STXBP5L: variants seen among roughly 807,000 people sequenced by gnomAD.
STXBP5L encodes syntaxin-binding protein 5-like.
Under a neutral mutation model 144.5 loss-of-function variants are expected in STXBP5L, and 65 were observed. The ratio of observed to expected loss-of-function variants is 0.45; its 90% confidence interval spans 0.37 to 0.55. The LOEUF (loss-of-function observed/expected upper bound fraction) is 0.55. STXBP5L is among the 20% of genes least tolerant of loss of function. The pLI, the probability that STXBP5L is intolerant of heterozygous loss-of-function variation, is 0.00. For synonymous variants in STXBP5L, 505 were observed against 469.6 expected, an observed-to-expected ratio of 1.08 and a Z score of -0.97; for missense variants, 1,298 against 1,405.5, an observed-to-expected ratio of 0.92 and a Z score of 1.22.
At chr3:121,200,710 C>T (rs145629359) in intron 9 of STXBP5L, among the ~76,000 whole-genome samples, 5,404 of 152,168 alleles carry the variant, frequency 0.036, 146 homozygotes, top group Middle Eastern at 0.082. Context: ...TTTCAAATAG[C>T]TTATTTATTT....
chr3:121,332,039 G>A (rs1256079549), intron 20 of STXBP5L, among the ~76,000 whole-genome samples: 4 of 147,302 alleles, frequency 2.7e-5, no homozygotes, highest in Admixed American at 2.7e-4. Context: ...TACAAAAACT[G>A]TAATCATTAA....
intron 18 of STXBP5L, among the ~76,000 whole-genome samples, chr3:121,264,175 G>T (rs1362626464): frequency 6.6e-6 from 1 of 152,130 alleles, no homozygotes; most frequent in East Asian, 1.9e-4. Flanking sequence ...TTAAAGAAAA[G>T]AATTTTCAAC....
chr3:120,979,000 G>T (rs900577229), intron 3 of STXBP5L, among the ~76,000 whole-genome samples: 3 of 152,170 alleles, frequency 2.0e-5, no homozygotes, highest in Non-Finnish European at 4.4e-5. Context: ...CAGGGGTCAG[G>T]GACCCACTTG....
At position 120,996,618 on chromosome 3, in the gene STXBP5L, C is replaced by T. The variant is rs577059073; in HGVS notation, c.287+41581C>T. ...CTTTAACTAATATCTCCCCATTTTCCCAGCCTCCTTGGCACTGGTAGCCAC... is the reference window on the plus strand; with the variant it reads ...CTTTAACTAATATCTCCCCATTTTCTCAGCCTCCTTGGCACTGGTAGCCAC... On this transcript the variant is annotated intron_variant, in intron 3 of 26. Coordinates refer to ENST00000471454, the MANE Select transcript of STXBP5L (RefSeq NM_001308330.2). 5.3e-5 allele frequency among the ~76,000 whole-genome samples: 8 copies of T among 152,226 alleles called. No homozygotes were observed. The South Asian group carries it at 1.7e-3, about 32-fold the overall frequency.
intron 5 of STXBP5L, among the ~76,000 whole-genome samples, chr3:121,100,977 A>G (rs1411615338): frequency 6.6e-6 from 1 of 152,138 alleles, no homozygotes; most frequent in Non-Finnish European, 1.5e-5. Flanking sequence ...CTATGCACAC[A>G]AACTACGTTA....
chr3:121,189,487 C>T (rs2047547324), intron 9 of STXBP5L, among the ~76,000 whole-genome samples: 1 of 152,184 alleles, frequency 6.6e-6, no homozygotes, highest in Non-Finnish European at 1.5e-5. Flanking sequence ...GAATCCTTTC[C>T]TCATTTCTTG....
At chr3:121,149,808 G>T (rs925709303) in intron 7 of STXBP5L, among the ~76,000 whole-genome samples, 4 of 151,886 alleles carry the variant, frequency 2.6e-5, no homozygotes, top group Non-Finnish European at 5.9e-5. Context: ...TAAATAAAAG[G>T]TGGTATCCTT....
At chr3:121,094,671 C>A (rs1430700346) in intron 5 of STXBP5L, among the ~76,000 whole-genome samples, 3 of 152,140 alleles carry the variant, frequency 2.0e-5, no homozygotes, top group Non-Finnish European at 4.4e-5. Context: ...TGTGTCTCTG[C>A]ACGTGAGATG....
At chr3:120,930,028 A>G (rs185181413) in intron 2 of STXBP5L, among the ~76,000 whole-genome samples, 53 of 151,800 alleles carry the variant, frequency 3.5e-4, no homozygotes, top group African/African-American at 1.2e-3. Flanking sequence ...TTCCCAGTTC[A>G]TTATTTGCAT....
intron 3 of STXBP5L, among the ~76,000 whole-genome samples, chr3:121,031,215 A>T (rs1946345122): frequency 6.6e-6 from 1 of 152,132 alleles, no homozygotes; most frequent in Non-Finnish European, 1.5e-5. Context: ...TGAGATTTTC[A>T]TTGTAGAAAG....
intron 3 of STXBP5L, among the ~76,000 whole-genome samples, chr3:120,956,754 G>A (rs1000721289): frequency 1.3e-5 from 2 of 151,882 alleles, no homozygotes; most frequent in African/African-American, 4.8e-5. Flanking sequence ...CTGTCATTCT[G>A]TTTCTCATAG....
At chr3:121,185,365 C>A (rs1315617068) in intron 9 of STXBP5L, among the ~76,000 whole-genome samples, 1 of 152,160 alleles carries the variant, frequency 6.6e-6, no homozygotes, top group Non-Finnish European at 1.5e-5. Flanking sequence ...GACATGAAGT[C>A]CTTGCCCATG....
intron 22 of STXBP5L, among the ~76,000 whole-genome samples, chr3:121,397,244 A>G (rs1157065842): frequency 6.6e-6 from 1 of 152,218 alleles, no homozygotes; most frequent in Non-Finnish European, 1.5e-5. Context: ...ATTAAAGGCC[A>G]ATTTTTAGGA....
intron 3 of STXBP5L, among the ~76,000 whole-genome samples, chr3:120,961,288 AT>A (rs1938779679): frequency 7.0e-6 from 1 of 142,346 alleles, no homozygotes; most frequent in Non-Finnish European, 1.5e-5. Context: ...TTTTTTTTTA[AT>A]TATACTTTAA....
chr3:121,017,390 T>G (rs954945714), intron 3 of STXBP5L, among the ~76,000 whole-genome samples: 1 of 152,218 alleles, frequency 6.6e-6, no homozygotes, highest in Non-Finnish European at 1.5e-5. Flanking sequence ...AAGGTAAGGA[T>G]GTATCCCCAA....
intron 10 of STXBP5L, among the ~76,000 whole-genome samples, chr3:121,216,138 T>C (rs949235047): frequency 2.0e-5 from 3 of 152,212 alleles, no homozygotes; most frequent in Admixed American, 6.5e-5. Flanking sequence ...GGTTAGAACA[T>C]GCTCCTTTAG....
At chr3:121,044,867 A>G (rs1947402309) in intron 4 of STXBP5L, among the ~76,000 whole-genome samples, 1 of 152,154 alleles carries the variant, frequency 6.6e-6, no homozygotes, top group Non-Finnish European at 1.5e-5. Flanking sequence ...ACTAAATTCT[A>G]GTTGGAGAAA....
At chr3:121,250,649 G>A (rs1375377217) in intron 14 of STXBP5L, 74 bp from the exon 15 acceptor site, 2 of 1,269,000 alleles carry the variant, frequency 1.6e-6, no homozygotes, top group East Asian at 4.9e-5. Flanking sequence ...AGTAACTCAA[G>A]TTTCTGTACA....
At chr3:120,921,248 AT>A (rs1248002938) in intron 2 of STXBP5L, among the ~76,000 whole-genome samples, 1 of 151,922 alleles carries the variant, frequency 6.6e-6, no homozygotes, top group Non-Finnish European at 1.5e-5. Flanking sequence ...ATTTTTTCAT[AT>A]GCCTGTTGGC....
Sources: allele counts gnomAD v4.1 joint callset (sites outside exome capture counted in the v4.1 genomes callset), GRCh38; gene constraint gnomAD v4.1.1; transcripts MANE v1.5; gene names NCBI Gene and HGNC (gene_info 2026-07-23, HGNC 2026-07-21).